The following SLX4IP variants were observed in gnomAD, a reference collection of about 807,000 sequenced individuals.
The protein encoded by SLX4IP is protein SLX4IP.
In SLX4IP, 34 loss-of-function variants were observed where a neutral mutation model predicts 32.9. That is an observed-to-expected ratio of 1.03 (90% CI 0.79 to 1.38). The LOEUF is 1.38. Among genes scored for constraint, SLX4IP ranks in the 40% most tolerant of loss-of-function variants. The probability of loss-of-function intolerance (pLI) is 0.00; values close to 1 mark genes in which losing one functional copy is unlikely to be tolerated. For missense variants in SLX4IP, 444 were observed against 479.0 expected, an observed-to-expected ratio of 0.93 and a Z score of 0.68; for synonymous variants, 172 against 171.7, an observed-to-expected ratio of 1.00 and a Z score of -0.01.
At chr20:10,560,954 CTTTG>C (rs2066326536) in intron 4 of SLX4IP, 134 bp downstream of exon 4, 2 of 927,196 alleles carry the variant, frequency 2.2e-6, no homozygotes, top group Admixed American at 8.3e-5. Flanking sequence ...AATGAAGATA[CTTTG>C]TTTGGGTAAA....
chr20:10,464,823 TA>T (rs34070517), intron 2 of SLX4IP, among the ~76,000 whole-genome samples: 74,731 of 151,830 alleles, frequency 0.49, 19,876 homozygotes, highest in Non-Finnish European at 0.6. Context: ...TTCTTTTTTT[TA>T]ATCACTATTT....
chr20:10,516,249 G>A (rs1186234088), intron 2 of SLX4IP, among the ~76,000 whole-genome samples: 2 of 152,162 alleles, frequency 1.3e-5, no homozygotes, highest in Non-Finnish European at 2.9e-5. Context: ...CTAGGCATGG[G>A]TAGGTACACA....
chr20:10,460,680 A>G (rs2065329961), intron 2 of SLX4IP, among the ~76,000 whole-genome samples: 1 of 152,078 alleles, frequency 6.6e-6, no homozygotes, highest in Non-Finnish European at 1.5e-5. Context: ...ACTTCTGTGG[A>G]CTTCCATTGA....
At chr20:10,469,542 T>C (rs1215409257) in intron 2 of SLX4IP, among the ~76,000 whole-genome samples, 3 of 152,210 alleles carry the variant, frequency 2.0e-5, no homozygotes, top group Non-Finnish European at 4.4e-5. Context: ...TGTTAGACCT[T>C]GATACTTTTA....
At chr20:10,455,931 A>G (rs964162319) in intron 1 of SLX4IP, among the ~76,000 whole-genome samples, 2 of 152,068 alleles carry the variant, frequency 1.3e-5, no homozygotes, top group African/African-American at 4.8e-5. Context: ...TTCTTATGCT[A>G]GTATAGGTTG....
At chr20:10,494,156 GCTTT>G (rs2065648182) in intron 2 of SLX4IP, among the ~76,000 whole-genome samples, 1 of 151,220 alleles carries the variant, frequency 6.6e-6, no homozygotes, top group Non-Finnish European at 1.5e-5. Flanking sequence ...TTATGAATGA[GCTTT>G]CTTTTTTTGT....
At chr20:10,539,522 C>T (rs1036663886) in intron 2 of SLX4IP, among the ~76,000 whole-genome samples, 2 of 151,850 alleles carry the variant, frequency 1.3e-5, no homozygotes, top group African/African-American at 4.8e-5. Flanking sequence ...AAGAAAGTGA[C>T]CATCACCAGT....
chr20:10,451,585 T>TTTCAAAG (rs1247330751), intron 1 of SLX4IP, among the ~76,000 whole-genome samples: 2 of 152,176 alleles, frequency 1.3e-5, no homozygotes, highest in African/African-American at 2.4e-5. Flanking sequence ...ATATAACCAA[T>TTTCAAAG]TTCAAAGTCT....
At chr20:10,510,867 G>T (rs369039553) in intron 2 of SLX4IP, among the ~76,000 whole-genome samples, 1 of 152,162 alleles carries the variant, frequency 6.6e-6, no homozygotes, top group East Asian at 1.9e-4. Context: ...GCCTCCCAAA[G>T]TGCTGGGATT....
At chr20:10,477,543 AG>A (rs1216823727) in intron 2 of SLX4IP, among the ~76,000 whole-genome samples, 1 of 152,182 alleles carries the variant, frequency 6.6e-6, no homozygotes, top group East Asian at 1.9e-4. Flanking sequence ...CTGGGATTAC[AG>A]GCGTGAGCCA....
At chr20:10,511,169 T>C (rs1317732394) in intron 2 of SLX4IP, among the ~76,000 whole-genome samples, 2 of 152,238 alleles carry the variant, frequency 1.3e-5, no homozygotes, top group Admixed American at 1.3e-4. Flanking sequence ...GTTTGCAATA[T>C]GTTGTTCTCA....
At chr20:10,522,333 A>C (rs2065906844) in intron 2 of SLX4IP, among the ~76,000 whole-genome samples, 1 of 152,162 alleles carries the variant, frequency 6.6e-6, no homozygotes, top group Non-Finnish European at 1.5e-5. Flanking sequence ...GACAGAAATC[A>C]GTGTTTTCAA....
At position 10,462,879 on chromosome 20, in the gene SLX4IP, A is replaced by T. The variant is rs73260097; in HGVS notation, c.27+4648A>T. 7.1e-3 allele frequency among the ~76,000 whole-genome samples: 1,085 copies of T among 152,344 alleles called. 22 individuals are homozygous for T. Among genetic ancestry groups the T allele is most frequent in the African/African-American group, 0.024 (1,005 of 41,574 alleles). On this transcript the variant is annotated intron_variant, in intron 2 of 7. Coordinates refer to ENST00000334534, the MANE Select transcript of SLX4IP (RefSeq NM_001009608.3). ...GAATAAGTTAACTAAGGAAAGCATA[A>T]CAAATTTATTATGTGCACACAAGTG...
intron 2 of SLX4IP, among the ~76,000 whole-genome samples, chr20:10,518,534 CTTCCTTCCTTCCTTCCT>C (rs2065877692): frequency 1.5e-4 from 16 of 108,968 alleles, no homozygotes; most frequent in Admixed American, 3.7e-4. Flanking sequence ...TCCTTCCTTC[CTTCCTTCCTTCCTTCCT>C]TTCCTTCTTT....
intron 4 of SLX4IP, among the ~76,000 whole-genome samples, chr20:10,596,023 CCTA>C (rs2066767183): frequency 6.6e-6 from 1 of 152,112 alleles, no homozygotes; most frequent in African/African-American, 2.4e-5. Context: ...ACTCATTTCT[CCTA>C]CTAATTTCAG....
intron 2 of SLX4IP, among the ~76,000 whole-genome samples, chr20:10,544,964 T>C (rs983212835): frequency 1.3e-5 from 2 of 152,128 alleles, no homozygotes; most frequent in South Asian, 2.1e-4. Context: ...AACTTCAGCA[T>C]ATGCCAGAAT....
intron 2 of SLX4IP, among the ~76,000 whole-genome samples, chr20:10,517,550 G>T (rs1001920622): frequency 2.0e-5 from 3 of 152,236 alleles, no homozygotes; most frequent in Non-Finnish European, 4.4e-5. Context: ...CAAATGAGCA[G>T]CCCAAGTTGC....
intron 2 of SLX4IP, among the ~76,000 whole-genome samples, chr20:10,554,773 T>G (rs1157664698): frequency 6.6e-6 from 1 of 152,204 alleles, no homozygotes; most frequent in Non-Finnish European, 1.5e-5. Flanking sequence ...CTCAGGTTTT[T>G]TGTTTTGCTT....
chr20:10,610,390 C>T (rs2066952181), intron 6 of SLX4IP, among the ~76,000 whole-genome samples: 1 of 152,186 alleles, frequency 6.6e-6, no homozygotes, highest in African/African-American at 2.4e-5. Flanking sequence ...TATCAGCAGC[C>T]CTGGCTCACT....
Sources: gnomAD v4.1 joint callset for allele counts (sites outside exome capture counted in the v4.1 genomes callset) on GRCh38, gnomAD v4.1.1 for gene constraint, MANE v1.5 for transcripts, NCBI Gene and HGNC (gene_info 2026-07-23, HGNC 2026-07-21) for gene names.